Variants in POLH observed in about 807,000 individuals in gnomAD.
The protein encoded by POLH is DNA polymerase eta, also known as DNA polymerase eta transcript.
A neutral mutation model predicts 73.6 loss-of-function variants in POLH; 53 were observed. The ratio of observed to expected loss-of-function variants is 0.72; its 90% CI spans 0.58 to 0.91. The LOEUF (loss-of-function observed/expected upper bound fraction) is 0.91, where lower values mean the gene tolerates loss of function less well. Among genes scored for constraint, POLH ranks in the 40% least tolerant of loss-of-function variants. The probability of loss-of-function intolerance (pLI) is 0.00; values close to 1 mark genes in which losing one functional copy is unlikely to be tolerated. For synonymous variants in POLH, 292 were observed against 308.5 expected (o/e 0.95, Z 0.56); for missense variants, 768 against 865.4 (o/e 0.89, Z 1.41).
intron 1 of POLH, among the ~76,000 whole-genome samples, chr6:43,580,859 C>T (rs1179834440): frequency 6.1e-5 from 9 of 148,676 alleles, no homozygotes; most frequent in African/African-American, 2.0e-4. Flanking sequence ...GCGCCCCTCA[C>T]CTCCCAGACG....
rs374875647 is a variant in POLH at position 43,619,571 on chromosome 6, T to G, written c.*5014T>G. On this transcript the variant is annotated 3_prime_UTR_variant, in exon 11 of 11. Coordinates refer to ENST00000372236, the MANE Select transcript of POLH (RefSeq NM_006502.3). ...ATTGGGATCATAAACATGTATAAACTCCTTGGGAGTCTGCCTTATATACTT... is the reference window on the plus strand; with the variant it reads ...ATTGGGATCATAAACATGTATAAACGCCTTGGGAGTCTGCCTTATATACTT... Among the ~76,000 whole-genome samples, 4 of 152,082 alleles carry G rather than the reference T, an allele frequency of 2.6e-5. No individual in the cohort carries two copies. Among genetic ancestry groups the G allele is most frequent in the African/African-American group, 9.7e-5 (4 of 41,422 alleles).
chr6:43,613,309 C>T (rs1347812951), intron 10 of POLH, among the ~76,000 whole-genome samples: 2 of 151,946 alleles, frequency 1.3e-5, no homozygotes, highest in African/African-American at 4.8e-5. Context: ...AATTTCTTGC[C>T]CCAACCCTGA....
intron 7 of POLH, 50 bp downstream of exon 7, chr6:43,604,061 T>G (rs777226172): frequency 6.9e-7 from 1 of 1,459,086 alleles, no homozygotes; most frequent in East Asian, 2.3e-5. Flanking sequence ...AGATGCTATA[T>G]TCAAATATAG....
At position 43,614,391 on chromosome 6, in the gene POLH, T is replaced by C. The variant is rs762674693; in HGVS notation, c.1976T>C (p.Leu659Ser). 3 of 1,614,082 alleles carry C rather than the reference T, an allele frequency of 1.9e-6. No individual in the cohort carries two copies. Among genetic ancestry groups the C allele is most frequent in the African/African-American group, 2.7e-5 (2 of 74,932 alleles). Residue 659 changes from leucine to serine, a missense_variant, in exon 11 of 11, where the codon TTG (leucine) becomes TCG (serine). Leu to Ser is a moderately radical substitution (Grantham distance 145, BLOSUM62 -2). Coordinates refer to ENST00000372236, the MANE Select transcript of POLH (RefSeq NM_006502.3). ...EHMDYHFALE[L>S]QKSFLQPHSS... ...ATGGACTATCATTTTGCATTGGAGTTGCAGAAATCCTTTTTGCAGCCCCAC... is the reference window on the plus strand; with the variant it reads ...ATGGACTATCATTTTGCATTGGAGTCGCAGAAATCCTTTTTGCAGCCCCAC...
intron 9 of POLH, among the ~76,000 whole-genome samples, chr6:43,606,674 C>T (rs980194809): frequency 1.3e-5 from 2 of 152,080 alleles, no homozygotes; most frequent in Non-Finnish European, 2.9e-5. Context: ...GGCGATCTGC[C>T]CATCTTGGCC....
chr6:43,596,915 C>G (rs1228859869), intron 4 of POLH, among the ~76,000 whole-genome samples: 1 of 152,006 alleles, frequency 6.6e-6, no homozygotes, highest in East Asian at 1.9e-4. Flanking sequence ...TCTAGTGCCT[C>G]GGAGTGGATT....
At chr6:43,610,752 G>A (rs1320698953) in intron 10 of POLH, 29 bp downstream of exon 10, 3 of 1,556,514 alleles carry the variant, frequency 1.9e-6, no homozygotes, top group Admixed American at 1.7e-5. Flanking sequence ...CATCTTCTCA[G>A]AATAGATGAT....
At chr6:43,582,264 G>A (rs2127772973) in intron 1 of POLH, 52 bp from the exon 2 acceptor site, 1 of 1,554,632 alleles carries the variant, frequency 6.4e-7, no homozygotes, top group South Asian at 1.1e-5. Flanking sequence ...AGTTTTCCCT[G>A]GCATTTTGGA....
At chr6:43,609,192 T>C (rs1767626666) in intron 9 of POLH, among the ~76,000 whole-genome samples, 3 of 152,194 alleles carry the variant, frequency 2.0e-5, no homozygotes, top group Admixed American at 6.5e-5. Flanking sequence ...ATCTCTGTGG[T>C]CATTTCTGTT....
intron 8 of POLH, among the ~76,000 whole-genome samples, chr6:43,604,961 A>T (rs1767113173): frequency 6.6e-6 from 1 of 152,164 alleles, no homozygotes; most frequent in African/African-American, 2.4e-5. Flanking sequence ...GTAGATGGAG[A>T]CTTGGAAAGC....
intron 7 of POLH, 69 bp from the exon 8 acceptor site, chr6:43,604,542 ATAGT>A: frequency 6.7e-7 from 1 of 1,492,546 alleles, no homozygotes; most frequent in East Asian, 2.3e-5. Flanking sequence ...GCAATATAAT[ATAGT>A]TATTTGGTTT....
At chr6:43,595,474 G>T (rs997096521) in intron 4 of POLH, among the ~76,000 whole-genome samples, 3 of 152,004 alleles carry the variant, frequency 2.0e-5, no homozygotes, top group Admixed American at 6.6e-5. Flanking sequence ...TTGGCCGGGC[G>T]CAGTGGCTCA....
intron 10 of POLH, among the ~76,000 whole-genome samples, chr6:43,612,256 C>T (rs980919153): frequency 2.6e-5 from 4 of 151,814 alleles, no homozygotes; most frequent in African/African-American, 4.8e-5. Context: ...TACTCACCAA[C>T]GGTGTGAAAC....
At chr6:43,578,563 C>T in intron 1 of POLH, 2 of 297,912 alleles carry the variant, frequency 6.7e-6, no homozygotes, top group Non-Finnish European at 1.3e-5. Context: ...AAACAAGGAA[C>T]AACCGAGGAA....
At chr6:43,611,238 G>A (rs1166207625) in intron 10 of POLH, among the ~76,000 whole-genome samples, 1 of 152,222 alleles carries the variant, frequency 6.6e-6, no homozygotes, top group African/African-American at 2.4e-5. Flanking sequence ...CTCTGTATTG[G>A]CTTGGTCAGG....
At position 43,618,105 on chromosome 6, in the gene POLH, T is replaced by C. The variant is rs1297139095; in HGVS notation, c.*3548T>C. Among the ~76,000 whole-genome samples, 1 of 152,088 alleles carries C rather than the reference T, an allele frequency of 6.6e-6. No individual in the cohort carries two copies. The highest frequency in any genetic ancestry group is 1.5e-5 in the Non-Finnish European group (1 of 68,018). ...CTGAGTGTAAATATTTAGCTTAGGG[T>C]TTAAAATTTGTTATGTAGCTTTTTG... On this transcript the variant is annotated 3_prime_UTR_variant, in exon 11 of 11. Coordinates refer to ENST00000372236, the MANE Select transcript of POLH (RefSeq NM_006502.3).
At chr6:43,593,424 A>T (rs1765685418) in intron 4 of POLH, among the ~76,000 whole-genome samples, 1 of 152,252 alleles carries the variant, frequency 6.6e-6, no homozygotes, top group Non-Finnish European at 1.5e-5. Context: ...ACCTGATTTC[A>T]AGATTTAACT....
Position 43,579,812 on chromosome 6 carries a change from T to C in POLH, c.-4-2504T>C, listed in dbSNP as rs112179156. ...TACCCACTTGGTGTCTGCTGCAGAATTGATTGCTTGTTTGTTGGTGGGGAG... is the reference window on the plus strand; with the variant it reads ...TACCCACTTGGTGTCTGCTGCAGAACTGATTGCTTGTTTGTTGGTGGGGAG... On this transcript the variant is annotated intron_variant, in intron 1 of 10. Coordinates refer to ENST00000372236, the MANE Select transcript of POLH (RefSeq NM_006502.3). Among the ~76,000 whole-genome samples the C allele has an allele frequency of 3.7e-3, 565 of 152,304 alleles. 9 individuals are homozygous for C. Among genetic ancestry groups the C allele is most frequent in the African/African-American group, 0.013 (522 of 41,542 alleles).
intron 4 of POLH, among the ~76,000 whole-genome samples, chr6:43,591,848 T>TA (rs1765495560): frequency 6.6e-6 from 1 of 152,206 alleles, no homozygotes; most frequent in South Asian, 2.1e-4. Context: ...GAACTAGTCT[T>TA]ACACATTATA....
Sources: gnomAD v4.1 joint callset for allele counts (sites outside exome capture counted in the v4.1 genomes callset) on GRCh38, gnomAD v4.1.1 for gene constraint, MANE v1.5 for transcripts, NCBI Gene and HGNC (gene_info 2026-07-23, HGNC 2026-07-21) for gene names.